Variants in WIPF2 observed in about 807,000 individuals in gnomAD.
The protein encoded by WIPF2 is WAS/WASL-interacting protein family member 2.
In WIPF2, 23 loss-of-function variants were observed where a neutral mutation model predicts 38.8. The observed-to-expected ratio is 0.59, with a 90% CI of 0.43 to 0.84. The LOEUF (loss-of-function observed/expected upper bound fraction) is 0.84. Among genes scored for constraint, WIPF2 ranks in the 40% least tolerant of loss-of-function variants. The pLI is 0.00. For missense variants in WIPF2, 574 were observed against 580.5 expected, an observed-to-expected ratio of 0.99 and a Z score of 0.11; for synonymous variants, 210 against 223.2, an observed-to-expected ratio of 0.94 and a Z score of 0.53.
chr17:40,280,765 C>T lies in WIPF2; in HGVS notation c.*2540C>T, dbSNP rs1161836343. 6.6e-6 allele frequency: 1 copy of T among 152,576 alleles called. No homozygotes were observed. Among genetic ancestry groups the T allele is most frequent in the African/African-American group, 2.4e-5 (1 of 41,420 alleles). 9.5% of individuals were successfully genotyped at this position (152,576 alleles called of 1,614,324 possible). Reference sequence around the variant, plus strand: ...TCTTCCTCCCCATGGCCCACTGCCCCCTCATATTCCCCAGCACTTGGACTG... The same window carrying T: ...TCTTCCTCCCCATGGCCCACTGCCCTCTCATATTCCCCAGCACTTGGACTG... On this transcript the variant is annotated 3_prime_UTR_variant, in exon 8 of 8. Coordinates refer to ENST00000323571, the MANE Select transcript of WIPF2 (RefSeq NM_133264.5).
intron 5 of WIPF2, among the ~76,000 whole-genome samples, chr17:40,271,638 G>C (rs933590336): frequency 2.0e-5 from 3 of 152,216 alleles, no homozygotes; most frequent in African/African-American, 7.2e-5. Context: ...AGAGTAGAAA[G>C]AGCAGACATG....
chr17:40,276,808 T>C lies in WIPF2; in HGVS notation c.1181-275T>C, dbSNP rs536042329. ...GGGCACCACTGCACTCCAGCCTGGG[T>C]GACAGAGCGAGACTGTCAAAAAATA... On this transcript the variant is annotated intron_variant, in intron 6 of 7. Transcript: ENST00000323571. 7.9e-5 allele frequency among the ~76,000 whole-genome samples: 12 copies of C among 152,214 alleles called. No individual in the cohort carries two copies. In the South Asian group the frequency reaches 2.5e-3, roughly 32 times the overall value.
In WIPF2 at chr17:40,276,889, ACATGCTCTGTG is replaced by A. The variant is rs576027394; in HGVS notation, c.1181-188_1181-178del. On this transcript the variant is annotated intron_variant, in intron 6 of 7. Coordinates refer to ENST00000323571, the MANE Select transcript of WIPF2 (RefSeq NM_133264.5). The stretch of plus-strand genomic sequence containing the variant: ...TACTTAGTACAGAGAGGTTTTGAAT[ACATGCTCTGTG>A]CATGCAAGGCACGTGGGGTGATGCT... Among the ~76,000 whole-genome samples the A allele has an allele frequency of 3.1e-3, 470 of 152,332 alleles. 2 individuals are homozygous for A. The highest frequency in any genetic ancestry group is 9.9e-3 in the African/African-American group (413 of 41,582).
chr17:40,281,369 C>T lies in WIPF2; in HGVS notation c.*3144C>T, dbSNP rs1298686528. 2 of 152,230 alleles carry T rather than the reference C, an allele frequency of 1.3e-5. No individual in the cohort carries two copies. Among genetic ancestry groups the T allele is most frequent in the Non-Finnish European group, 2.9e-5 (2 of 68,064 alleles). The allele number at this position is 152,230 out of a possible 1,614,324, so 9.4% of individuals were successfully genotyped here. A position where few individuals can be genotyped will look rare whatever the true frequency, so the allele number is the denominator to read the frequency against. On this transcript the variant is annotated 3_prime_UTR_variant, in exon 8 of 8. Transcript: ENST00000323571. ...GTTTTTAAATGAGCTAGATGCCCCT[C>T]TTCCTCTTCTCTGGTCACTGAACCT...
intron 5 of WIPF2, 151 bp downstream of exon 5, chr17:40,265,297 C>T (rs2032052687): frequency 2.0e-6 from 2 of 1,019,736 alleles, no homozygotes; most frequent in South Asian, 3.7e-5. Context: ...AGGGAAATAG[C>T]AATAAATAGA....
At chr17:40,235,334 G>A (rs554779530) in intron 1 of WIPF2, among the ~76,000 whole-genome samples, 75 of 152,258 alleles carry the variant, frequency 4.9e-4, no homozygotes, top group African/African-American at 1.5e-3. Flanking sequence ...AAAATTTAGC[G>A]CCCAGTATAA....
chr17:40,236,081 C>T (rs1008584071), intron 1 of WIPF2, among the ~76,000 whole-genome samples: 8 of 151,800 alleles, frequency 5.3e-5, no homozygotes, highest in South Asian at 2.1e-4. Context: ...GCCTCAGCAC[C>T]GCCCCGAGTT....
chr17:40,236,028 G>A (rs1252981519), intron 1 of WIPF2, among the ~76,000 whole-genome samples: 3 of 147,884 alleles, frequency 2.0e-5, no homozygotes, highest in African/African-American at 5.0e-5. Context: ...ATGGGATCTC[G>A]GCTCACTGCA....
At chr17:40,248,018 C>A (rs983389644) in intron 1 of WIPF2, among the ~76,000 whole-genome samples, 1 of 151,764 alleles carries the variant, frequency 6.6e-6, no homozygotes. Context: ...TTGTCTGAAA[C>A]CTGGTTGAAA....
At chr17:40,253,349 A>G (rs1393848285) in intron 1 of WIPF2, among the ~76,000 whole-genome samples, 9 of 152,176 alleles carry the variant, frequency 5.9e-5, no homozygotes, top group Admixed American at 3.3e-4. Flanking sequence ...GGCGTGAGCC[A>G]CCGCGCCCGG....
At chr17:40,258,990 T>C (rs1427746548) in intron 2 of WIPF2, among the ~76,000 whole-genome samples, 1 of 127,690 alleles carries the variant, frequency 7.8e-6, no homozygotes, top group Non-Finnish European at 1.6e-5. Flanking sequence ...GGCTCACACC[T>C]GTAATCCCAG....
At chr17:40,261,254 G>A (rs2031892452) in intron 3 of WIPF2, among the ~76,000 whole-genome samples, 1 of 151,954 alleles carries the variant, frequency 6.6e-6, no homozygotes, top group Non-Finnish European at 1.5e-5. Context: ...TCTGTCATCT[G>A]AGATGTGGAG....
At chr17:40,262,698 C>A in intron 4 of WIPF2, 57 bp downstream of exon 4, 3 of 1,428,870 alleles carry the variant, frequency 2.1e-6, no homozygotes, top group Non-Finnish European at 3.0e-6. Flanking sequence ...TCTGATGTCC[C>A]AAGTGGGCCA....
chr17:40,237,846 C>T (rs984056693), intron 1 of WIPF2, among the ~76,000 whole-genome samples: 21 of 142,862 alleles, frequency 1.5e-4, no homozygotes, highest in Admixed American at 4.3e-4. Context: ...GGGTTTCACC[C>T]TGTTGGTCAC....
chr17:40,266,635 G>C (rs1567723161), intron 5 of WIPF2, among the ~76,000 whole-genome samples: 1 of 152,154 alleles, frequency 6.6e-6, no homozygotes, highest in African/African-American at 2.4e-5. Flanking sequence ...GTGAAGATAA[G>C]TGAAGTGATT....
At position 40,249,043 on chromosome 17, in the gene WIPF2, A is replaced by G. The variant is rs569840760; in HGVS notation, c.-69-7348A>G. On this transcript the variant is annotated intron_variant, in intron 1 of 7. Transcript: ENST00000323571. ...TTTTGGGATTTTGTTCAGTGCTTTG[A>G]TACAAAAACTGTAATTTACTTTGTA... 2.6e-5 allele frequency among the ~76,000 whole-genome samples: 4 copies of G among 152,178 alleles called. No homozygotes were observed. The East Asian group carries it at 5.8e-4, about 22-fold the overall frequency.
intron 1 of WIPF2, among the ~76,000 whole-genome samples, chr17:40,221,258 T>G (rs565731140): frequency 1.2e-4 from 18 of 152,292 alleles, no homozygotes; most frequent in African/African-American, 4.3e-4. Context: ...CCACAGGGAA[T>G]AAGGACAGTT....
chr17:40,272,843 TGG>T (rs1256828857), intron 5 of WIPF2, among the ~76,000 whole-genome samples: 1 of 152,140 alleles, frequency 6.6e-6, no homozygotes, highest in East Asian at 1.9e-4. Flanking sequence ...CACAGTATAC[TGG>T]GGAAAGAGCA....
intron 1 of WIPF2, among the ~76,000 whole-genome samples, chr17:40,232,918 G>A (rs567830982): frequency 7.0e-4 from 106 of 152,254 alleles, no homozygotes; most frequent in African/African-American, 2.4e-3. Flanking sequence ...TATTACAGGC[G>A]TGAGCCACCA....
Sources: allele counts gnomAD v4.1 joint callset (sites outside exome capture counted in the v4.1 genomes callset), GRCh38; gene constraint gnomAD v4.1.1; transcripts MANE v1.5; gene names NCBI Gene and HGNC (gene_info 2026-07-23, HGNC 2026-07-21).